STK24: variants seen among roughly 807,000 people sequenced by gnomAD.
The protein encoded by STK24 is serine/threonine kinase 24, also known as serine/threonine-protein kinase 24.
STK24 carries 21 observed loss-of-function variants against 55.6 expected under a neutral mutation model. The ratio of observed to expected loss-of-function variants is 0.38; its 90% CI spans 0.27 to 0.54. The LOEUF is 0.54. STK24 is among the 20% of genes least tolerant of loss of function. STK24 has a pLI of 0.79. For missense variants in STK24, 383 were observed against 538.4 expected, an observed-to-expected ratio of 0.71 and a Z score of 2.86; for synonymous variants, 200 against 215.2, an observed-to-expected ratio of 0.93 and a Z score of 0.62.
intron 10 of STK24, chr13:98,453,531 A>C: frequency 3.8e-6 from 1 of 264,678 alleles, no homozygotes; most frequent in Non-Finnish European, 7.1e-6. Context: ...TGATCCATAC[A>C]TGATGACACA....
intron 10 of STK24, chr13:98,454,266 A>G (rs772349089): frequency 6.6e-6 from 1 of 152,190 alleles, no homozygotes; most frequent in Non-Finnish European, 1.5e-5. Flanking sequence ...GTGTCTTCCA[A>G]AAATTCTACA....
At chr13:98,500,933 C>A (rs1895432154) in intron 2 of STK24, among the ~76,000 whole-genome samples, 1 of 152,008 alleles carries the variant, frequency 6.6e-6, no homozygotes, top group African/African-American at 2.4e-5. Context: ...CTTAAGTAGC[C>A]ACATCTTTTC....
chr13:98,547,574 T>C (rs528290012), intron 1 of STK24, among the ~76,000 whole-genome samples: 1 of 152,288 alleles, frequency 6.6e-6, no homozygotes, highest in African/African-American at 2.4e-5. Flanking sequence ...TGACCAACTA[T>C]GATAAAAAGT....
chr13:98,540,668 C>T (rs1456399787), intron 1 of STK24, among the ~76,000 whole-genome samples: 2 of 149,868 alleles, frequency 1.3e-5, no homozygotes, highest in African/African-American at 4.9e-5. Flanking sequence ...AAGCTGACAA[C>T]GTGTCCATGA....
chr13:98,487,757 C>T (rs1448886741), intron 2 of STK24, among the ~76,000 whole-genome samples: 5 of 152,058 alleles, frequency 3.3e-5, no homozygotes, highest in Non-Finnish European at 7.4e-5. Context: ...TTCCATTTTT[C>T]GCTCTGACGG....
At chr13:98,514,223 C>A (rs527288799) in intron 2 of STK24, among the ~76,000 whole-genome samples, 1 of 152,332 alleles carries the variant, frequency 6.6e-6, no homozygotes, top group South Asian at 2.1e-4. Flanking sequence ...TCCAAGACTG[C>A]AGATGGACAC....
chr13:98,570,172 C>T (rs1468008803), intron 1 of STK24, among the ~76,000 whole-genome samples: 1 of 152,138 alleles, frequency 6.6e-6, no homozygotes, highest in African/African-American at 2.4e-5. Context: ...AGCCACCGCC[C>T]CCGGTCAATT....
chr13:98,495,786 G>A (rs1338893055), intron 2 of STK24, among the ~76,000 whole-genome samples: 6 of 152,130 alleles, frequency 3.9e-5, no homozygotes, highest in African/African-American at 7.2e-5. Context: ...TGAAATGTAC[G>A]CCCTTGTGAT....
At chr13:98,550,330 G>A (rs1038640052) in intron 1 of STK24, among the ~76,000 whole-genome samples, 6 of 152,174 alleles carry the variant, frequency 3.9e-5, no homozygotes, top group Non-Finnish European at 8.8e-5. Context: ...CGTGAGCCCA[G>A]GAGTTTGAGA....
chr13:98,576,992 G>T lies in STK24; in HGVS notation c.-206C>A. The T allele has an allele frequency of 6.6e-6, 1 of 152,492 alleles. No individual in the cohort carries two copies. Among genetic ancestry groups the T allele is most frequent in the Non-Finnish European group, 1.4e-5 (1 of 71,380 alleles). 9.4% of individuals were successfully genotyped at this position (152,492 alleles called of 1,614,324 possible). A position where few individuals can be genotyped will look rare whatever the true frequency, so the allele number is the denominator to read the frequency against. Reference sequence around the variant, plus strand: ...CGTCTCCATGCACGGCGCCAGGGAGGAGCTGCTGGGGGCGCAGGGCCTCGC... The same window carrying T: ...CGTCTCCATGCACGGCGCCAGGGAGTAGCTGCTGGGGGCGCAGGGCCTCGC... On this transcript the variant is annotated 5_prime_UTR_variant, in exon 1 of 11. Transcript: ENST00000539966.
At position 98,446,708 on chromosome 13, in the gene STK24, C is replaced by T. The variant is rs202086143; in HGVS notation, c.*6465G>A. On this transcript the variant is annotated 3_prime_UTR_variant, in exon 11 of 11. Coordinates refer to ENST00000539966, the MANE Select transcript of STK24 (RefSeq NM_001032296.4). The stretch of plus-strand genomic sequence containing the variant: ...CAGCCTGCCTCTGCTCGGCTACTCG[C>T]TCACCATCCCCTCTGAGTCCGAGAA... 255 of 1,614,088 alleles carry T rather than the reference C, an allele frequency of 1.6e-4. No homozygotes were observed. In the Admixed American group the frequency reaches 4.2e-3, roughly 27 times the overall value.
rs147461836 is a variant in STK24, at chr13:98,481,056, T to G, written c.330+1209A>C. Among the ~76,000 whole-genome samples, 10 of 152,368 alleles carry G rather than the reference T, an allele frequency of 6.6e-5. No homozygotes were observed. The East Asian group carries it at 1.9e-3, about 29-fold the overall frequency. ...ACCTCTAACACTGCAATGACAGATC[T>G]GGCCTATCTTGAAAATCACCACTCA... On this transcript the variant is annotated intron_variant, in intron 3 of 10. Transcript: ENST00000539966.
intron 1 of STK24, among the ~76,000 whole-genome samples, chr13:98,520,003 C>A (rs1337711639): frequency 2.0e-5 from 3 of 152,164 alleles, no homozygotes; most frequent in Non-Finnish European, 4.4e-5. Context: ...AACAATCTAA[C>A]CAGATTCCAG....
At position 98,449,359 on chromosome 13, in the gene STK24, G is replaced by A. The variant is rs1893071542; in HGVS notation, c.*3814C>T. ...TTTATACTCATTCCCCCCAGGCATG[G>A]GGTAGTGTCAGTCGGACTGCACAGG... On this transcript the variant is annotated 3_prime_UTR_variant, in exon 11 of 11. Transcript: ENST00000539966. 6.6e-6 allele frequency: 1 copy of A among 152,106 alleles called. No individual in the cohort carries two copies. The highest frequency in any genetic ancestry group is 1.5e-5 in the Non-Finnish European group (1 of 68,040). The allele number at this position is 152,106 out of a possible 1,614,324, so 9.4% of individuals were successfully genotyped here.
intron 2 of STK24, among the ~76,000 whole-genome samples, chr13:98,489,114 T>G (rs1336727096): frequency 6.6e-6 from 1 of 152,114 alleles, no homozygotes; most frequent in African/African-American, 2.4e-5. Flanking sequence ...CCAGCTCTGA[T>G]GGCAACTACA....
intron 1 of STK24, among the ~76,000 whole-genome samples, chr13:98,551,991 A>G (rs1897171201): frequency 6.6e-6 from 1 of 152,180 alleles, no homozygotes; most frequent in South Asian, 2.1e-4. Context: ...AAGGAAGGAA[A>G]AAAAAGTCAA....
intron 3 of STK24, among the ~76,000 whole-genome samples, chr13:98,481,200 T>C (rs1319892894): frequency 6.6e-6 from 1 of 152,214 alleles, no homozygotes; most frequent in African/African-American, 2.4e-5. Context: ...TCGTTTGCAT[T>C]TACTATGTTT....
chr13:98,461,068 G>T (rs1467912165), intron 8 of STK24, among the ~76,000 whole-genome samples: 10 of 151,366 alleles, frequency 6.6e-5, no homozygotes, highest in Non-Finnish European at 4.4e-5. Flanking sequence ...GAGAGAGAGA[G>T]AGAGAGAGAA....
chr13:98,570,395 TA>T lies in STK24; in HGVS notation c.42+6349del, dbSNP rs1483726009. Among the ~76,000 whole-genome samples the T allele has an allele frequency of 1.1e-4, 16 of 152,270 alleles. No homozygotes were observed. The Middle Eastern group carries it at 0.01, about 97-fold the overall frequency. Reference sequence around the variant, plus strand: ...AAATAAAACAAAGGATGTGGACCTGTAACAGTTCTTTCAAACCTTACGGCCT... The same window carrying T: ...AAATAAAACAAAGGATGTGGACCTGTACAGTTCTTTCAAACCTTACGGCCT... On this transcript the variant is annotated intron_variant, in intron 1 of 10. Transcript: ENST00000539966.
Sources: gnomAD v4.1 joint callset for allele counts (sites outside exome capture counted in the v4.1 genomes callset) on GRCh38, gnomAD v4.1.1 for gene constraint, MANE v1.5 for transcripts, NCBI Gene and HGNC (gene_info 2026-07-23, HGNC 2026-07-21) for gene names.